The following OPCML variants were observed in gnomAD, a reference collection of about 807,000 sequenced individuals.
OPCML encodes the protein opioid binding protein/cell adhesion molecule like.
In OPCML, 13 loss-of-function variants were observed where a neutral mutation model predicts 37.8. The observed-to-expected ratio is 0.34, with a 90% confidence interval of 0.22 to 0.55. The LOEUF (loss-of-function observed/expected upper bound fraction) is 0.55, where lower values mean the gene tolerates loss of function less well. Ranked by LOEUF, OPCML falls within the 20% of genes least tolerant of loss-of-function variation. The pLI, the probability that OPCML is intolerant of heterozygous loss-of-function variation, is 0.91. For missense variants in OPCML, 341 were observed against 435.6 expected, an observed-to-expected ratio of 0.78 and a Z score of 1.93; for synonymous variants, 176 against 168.8, an observed-to-expected ratio of 1.04 and a Z score of -0.33.
At chr11:133,486,072 C>T (rs1030631136) in intron 1 of OPCML, among the ~76,000 whole-genome samples, 1 of 152,070 alleles carries the variant, frequency 6.6e-6, no homozygotes, top group African/African-American at 2.4e-5. Flanking sequence ...CTGTTGGGTT[C>T]AATGTACATG....
At chr11:132,502,301 T>A (rs1008603868) in intron 4 of OPCML, among the ~76,000 whole-genome samples, 1 of 152,268 alleles carries the variant, frequency 6.6e-6, no homozygotes, top group South Asian at 2.1e-4. Context: ...ATTTTTACTT[T>A]CTCTTTTTTC....
At chr11:132,670,430 C>T (rs1942421796) in intron 2 of OPCML, among the ~76,000 whole-genome samples, 1 of 152,164 alleles carries the variant, frequency 6.6e-6, no homozygotes, top group Non-Finnish European at 1.5e-5. Context: ...CAGAACTGTG[C>T]ATAAACAAAC....
At chr11:133,303,136 G>T (rs1001971560) in intron 1 of OPCML, among the ~76,000 whole-genome samples, 24 of 152,102 alleles carry the variant, frequency 1.6e-4, no homozygotes, top group African/African-American at 5.8e-4. Flanking sequence ...AAAATATCTG[G>T]AAAGAAAATG....
chr11:132,970,874 T>C (rs912397788), intron 1 of OPCML, among the ~76,000 whole-genome samples: 1 of 152,236 alleles, frequency 6.6e-6, no homozygotes. Context: ...ATTTACTTCA[T>C]TGATCTTTTC....
chr11:133,290,860 C>T (rs77653242), intron 1 of OPCML, among the ~76,000 whole-genome samples: 120 of 152,306 alleles, frequency 7.9e-4, no homozygotes, highest in African/African-American at 2.9e-3. Flanking sequence ...CCTGTGAGGC[C>T]ACAGCAATGG....
chr11:132,846,344 A>C (rs1188187800), intron 2 of OPCML, among the ~76,000 whole-genome samples: 1 of 152,178 alleles, frequency 6.6e-6, no homozygotes, highest in East Asian at 1.9e-4. Context: ...TGGTATAAAC[A>C]TGGTTCCCAA....
chr11:133,440,317 T>A (rs947752229), intron 1 of OPCML, among the ~76,000 whole-genome samples: 2 of 150,196 alleles, frequency 1.3e-5, no homozygotes, highest in African/African-American at 4.9e-5. Context: ...GAGAATTGCT[T>A]GAACCCAGGA....
At chr11:132,981,357 T>G (rs1276773255) in intron 1 of OPCML, among the ~76,000 whole-genome samples, 1 of 152,106 alleles carries the variant, frequency 6.6e-6, no homozygotes, top group African/African-American at 2.4e-5. Context: ...AGGGGCCCAC[T>G]CTGCAGGCAG....
chr11:132,636,332 T>C (rs1273937981), intron 3 of OPCML, among the ~76,000 whole-genome samples: 1 of 152,202 alleles, frequency 6.6e-6, no homozygotes, highest in East Asian at 1.9e-4. Flanking sequence ...AACATACCAC[T>C]GTGCATACAT....
At position 133,376,967 on chromosome 11, in the gene OPCML, A is replaced by G. The variant is rs1223250962; in HGVS notation, c.61+155297T>C. Among the ~76,000 whole-genome samples, 8 of 152,190 alleles carry G rather than the reference A, an allele frequency of 5.3e-5. No individual in the cohort carries two copies. The East Asian group carries it at 1.3e-3, about 26-fold the overall frequency. On this transcript the variant is annotated intron_variant, in intron 1 of 7. Coordinates refer to ENST00000524381, the MANE Select transcript of OPCML (RefSeq NM_001012393.5). ...GAAATGAAGAAAGGTCAAAAGAAGG[A>G]AGGGAGGGAGGGAGTAAAGGGAAGA...
intron 1 of OPCML, among the ~76,000 whole-genome samples, chr11:133,052,133 T>G (rs562201239): frequency 1.3e-5 from 2 of 152,320 alleles, no homozygotes; most frequent in Admixed American, 1.3e-4. Flanking sequence ...CCAAAAACAC[T>G]GTTCTGATGA....
chr11:132,762,610 C>A (rs1946302540), intron 2 of OPCML, among the ~76,000 whole-genome samples: 1 of 152,182 alleles, frequency 6.6e-6, no homozygotes. Context: ...TTTGTTTACA[C>A]TGTGAGGGGA....
chr11:132,869,717 A>G (rs1942721423), intron 2 of OPCML, among the ~76,000 whole-genome samples: 1 of 152,122 alleles, frequency 6.6e-6, no homozygotes, highest in Non-Finnish European at 1.5e-5. Context: ...AAAGGACAAA[A>G]CTGTTTTAGC....
intron 1 of OPCML, among the ~76,000 whole-genome samples, chr11:133,220,180 T>C (rs570289422): frequency 6.6e-6 from 1 of 152,220 alleles, no homozygotes; most frequent in South Asian, 2.1e-4. Flanking sequence ...GATTCTACAT[T>C]GGGAGCCCAG....
intron 4 of OPCML, among the ~76,000 whole-genome samples, chr11:132,441,171 T>TTTTTTTTTTTTTTTTTTG (rs2096032580): frequency 8.7e-6 from 1 of 114,576 alleles, no homozygotes; most frequent in African/African-American, 3.4e-5. Context: ...TTTTGTTTTT[T>TTTTTTTTTTTTTTTTTTG]TTTTTTTTTT....
chr11:133,264,144 C>A (rs979246641), intron 1 of OPCML, among the ~76,000 whole-genome samples: 2 of 151,772 alleles, frequency 1.3e-5, no homozygotes, highest in African/African-American at 4.8e-5. Flanking sequence ...GTGGCAGGTG[C>A]GTGAAATGTA....
rs527521831 is a variant in OPCML, at chr11:133,447,500, T to A, written c.61+84764A>T. ...CTGATCACAGTACCCAATAGTTCATTTTCAGCCCTGGCCTCCTTCTCTCCC... is the reference window on the plus strand; with the variant it reads ...CTGATCACAGTACCCAATAGTTCATATTCAGCCCTGGCCTCCTTCTCTCCC... On this transcript the variant is annotated intron_variant, in intron 1 of 7. Coordinates refer to ENST00000524381, the MANE Select transcript of OPCML (RefSeq NM_001012393.5). 3.3e-5 allele frequency among the ~76,000 whole-genome samples: 5 copies of A among 152,314 alleles called. No individual in the cohort carries two copies. In the South Asian group the frequency reaches 1.0e-3, roughly 32 times the overall value.
intron 2 of OPCML, among the ~76,000 whole-genome samples, chr11:132,746,905 C>A (rs1012052848): frequency 6.6e-6 from 1 of 152,120 alleles, no homozygotes; most frequent in African/African-American, 2.4e-5. Context: ...GAGCTGAGAA[C>A]GAGGACCTGC....
chr11:133,195,631 G>T (rs975055244), intron 1 of OPCML, among the ~76,000 whole-genome samples: 2 of 152,180 alleles, frequency 1.3e-5, no homozygotes, highest in Non-Finnish European at 2.9e-5. Context: ...ATGGGAAGAA[G>T]TATAGGATTA....
Sources: allele counts gnomAD v4.1 joint callset (sites outside exome capture counted in the v4.1 genomes callset), GRCh38; gene constraint gnomAD v4.1.1; transcripts MANE v1.5; gene names NCBI Gene and HGNC (gene_info 2026-07-23, HGNC 2026-07-21).